MGA: variants seen among roughly 807,000 people sequenced by gnomAD.
The protein encoded by MGA is MAX dimerization protein MGA.
A neutral mutation model predicts 261.1 loss-of-function variants in MGA; 40 were observed. That is an observed-to-expected ratio of 0.15 (90% CI 0.12 to 0.20). The LOEUF (loss-of-function observed/expected upper bound fraction) is 0.20. MGA is among the 10% of genes least tolerant of loss of function. The probability of loss-of-function intolerance (pLI) is 1.00; values close to 1 mark genes in which losing one functional copy is unlikely to be tolerated. For synonymous variants in MGA, 1,302 were observed against 1,290.6 expected (o/e 1.01, Z -0.19); for missense variants, 3,397 against 3,630.5 (o/e 0.94, Z 1.65).
Position 41,762,460 on chromosome 15 carries a change from GGTTTTTTT to G in MGA, c.7744+99_7744+106del, listed in dbSNP as rs1223240454. 226 of 190,548 alleles carry G rather than the reference GGTTTTTTT, an allele frequency of 1.2e-3. 3 individuals are homozygous for G. The highest frequency in any genetic ancestry group is 8.9e-3 in the African/African-American group (212 of 23,916). The allele number at this position is 190,548 out of a possible 1,614,324, so 11.8% of individuals were successfully genotyped here. A position where few individuals can be genotyped will look rare whatever the true frequency, so the allele number is the denominator to read the frequency against. On this transcript the variant is annotated intron_variant, in intron 22 of 23. Transcript: ENST00000219905. ...CTTGTCCACATTTTTAGTTTTGTGT[GGTTTTTTT>G]TTTTTTTTTTTTTTTTTTTTTTTGG...
intron 1 of MGA, among the ~76,000 whole-genome samples, chr15:41,629,832 G>A (rs1461262621): frequency 1.3e-5 from 2 of 152,142 alleles, no homozygotes; most frequent in African/African-American, 2.4e-5. Context: ...ATCATAGAGT[G>A]GAATAGATTG....
At chr15:41,661,013 C>T (rs56383987) in intron 1 of MGA, among the ~76,000 whole-genome samples, 4,924 of 152,332 alleles carry the variant, frequency 0.032, 124 homozygotes, top group Non-Finnish European at 0.051. Context: ...TTTCTGAGAA[C>T]TTGGCGCAGC....
chr15:41,681,513 T>A (rs2058679759), intron 2 of MGA, among the ~76,000 whole-genome samples: 1 of 151,856 alleles, frequency 6.6e-6, no homozygotes, highest in East Asian at 1.9e-4. Flanking sequence ...GTGTAGTGGG[T>A]GATCACAGTT....
At chr15:41,700,490 G>T (rs1321630213) in intron 5 of MGA, among the ~76,000 whole-genome samples, 1 of 152,136 alleles carries the variant, frequency 6.6e-6, no homozygotes, top group East Asian at 1.9e-4. Flanking sequence ...GTGAAAACAT[G>T]CAGTGTTTGG....
upstream of MGA, among the ~76,000 whole-genome samples, chr15:41,659,825 T>C (rs1460517753): frequency 6.6e-6 from 1 of 152,260 alleles, no homozygotes; most frequent in Non-Finnish European, 1.5e-5. Context: ...AACTGCGCAC[T>C]GAGTCTTTCG....
At chr15:41,674,808 G>A (rs1286710014) in intron 2 of MGA, among the ~76,000 whole-genome samples, 1 of 152,224 alleles carries the variant, frequency 6.6e-6, no homozygotes, top group African/African-American at 2.4e-5. Flanking sequence ...GTGAGCCACG[G>A]CGCCCGGCCA....
chr15:41,682,172 C>T (rs1339473867), intron 2 of MGA, among the ~76,000 whole-genome samples: 1 of 152,166 alleles, frequency 6.6e-6, no homozygotes, highest in Non-Finnish European at 1.5e-5. Context: ...CTGCCTCAGC[C>T]ACCCAAAGTG....
intron 2 of MGA, among the ~76,000 whole-genome samples, chr15:41,670,715 C>G (rs143661357): frequency 6.6e-6 from 1 of 152,036 alleles, no homozygotes; most frequent in Non-Finnish European, 1.5e-5. Flanking sequence ...ACTGTGTTAG[C>G]CAGGATGGTC....
chr15:41,678,327 G>C (rs1192597995), intron 2 of MGA, among the ~76,000 whole-genome samples: 1 of 151,668 alleles, frequency 6.6e-6, no homozygotes, highest in East Asian at 2.0e-4. Context: ...CTGACCTCAA[G>C]TGATCTGCCC....
intron 9 of MGA, among the ~76,000 whole-genome samples, chr15:41,722,375 T>C (rs954837335): frequency 3.3e-5 from 5 of 152,112 alleles, no homozygotes; most frequent in South Asian, 2.1e-4. Flanking sequence ...GTGATCCGCC[T>C]GCCTCGGCCT....
At chr15:41,741,070 C>T (rs750590999) in intron 14 of MGA, among the ~76,000 whole-genome samples, 16 of 152,150 alleles carry the variant, frequency 1.1e-4, no homozygotes, top group South Asian at 8.3e-4. Context: ...CTATTTTGGC[C>T]GGGCGCGGTG....
chr15:41,697,171 C>T, intron 3 of MGA, 148 bp downstream of exon 3: 1 of 638,006 alleles, frequency 1.6e-6, no homozygotes, highest in Non-Finnish European at 2.5e-6. Flanking sequence ...GAAGTGTCTC[C>T]AAAATGTTTG....
At chr15:41,630,263 T>C (rs2056559415) in intron 1 of MGA, among the ~76,000 whole-genome samples, 1 of 152,268 alleles carries the variant, frequency 6.6e-6, no homozygotes, top group African/African-American at 2.4e-5. Flanking sequence ...TATGTAATTT[T>C]CCCCAATTTC....
Position 41,750,545 on chromosome 15 carries a change from A to T in MGA, c.6938A>T (p.Asp2313Val). ...GATGAAGATGATAATGAGAAAACTG[A>T]TGATTCTATTGATGAAATTGTGGAT... Residue 2313 changes from aspartate to valine, a missense_variant, in exon 17 of 24, where the codon GAT (aspartate) becomes GTT (valine). Asp to Val is a radical substitution (Grantham distance 152). Transcript: ENST00000219905. 5 of 1,612,842 alleles carry T rather than the reference A, an allele frequency of 3.1e-6. No homozygotes were observed. Among genetic ancestry groups the T allele is most frequent in the Non-Finnish European group, 3.4e-6 (4 of 1,179,262 alleles).
chr15:41,709,890 C>T (rs956832449), intron 7 of MGA, among the ~76,000 whole-genome samples: 5 of 149,412 alleles, frequency 3.3e-5, no homozygotes, highest in East Asian at 3.9e-4. Flanking sequence ...GGCGTGATCT[C>T]GGCTCACCGC....
At chr15:41,736,942 C>A (rs2061813862) in intron 13 of MGA, among the ~76,000 whole-genome samples, 1 of 152,020 alleles carries the variant, frequency 6.6e-6, no homozygotes, top group African/African-American at 2.4e-5. Context: ...TCTAATCTTC[C>A]CAGAAAGTTG....
intron 1 of MGA, among the ~76,000 whole-genome samples, chr15:41,640,018 A>G (rs575550331): frequency 6.6e-6 from 1 of 152,186 alleles, no homozygotes; most frequent in East Asian, 1.9e-4. Context: ...AAGGAGAATG[A>G]CAGTATCCTT....
chr15:41,750,355 C>CCTT lies in MGA; in HGVS notation c.6750_6752dup (p.Ser2251dup), dbSNP rs766618632. 62 of 1,613,832 alleles carry CCTT rather than the reference C, an allele frequency of 3.8e-5. No individual in the cohort carries two copies. The highest frequency in any genetic ancestry group is 5.2e-5 in the Non-Finnish European group (61 of 1,179,904). ...TGATTCTTGGAGTAGGATTTCTAAT[C>CCTT]CTTCAGCCTTCTCCATTGTTCCTAG... On this transcript the variant is annotated inframe_insertion, in exon 17 of 24. Transcript: ENST00000219905.
chr15:41,762,586 G>A (rs950721379), intron 22 of MGA, among the ~76,000 whole-genome samples: 2 of 141,468 alleles, frequency 1.4e-5, no homozygotes, highest in Non-Finnish European at 3.0e-5. Context: ...ATCTGCTTCA[G>A]CCTCCTGAGT....
Sources: allele counts gnomAD v4.1 joint callset (sites outside exome capture counted in the v4.1 genomes callset), GRCh38; gene constraint gnomAD v4.1.1; transcripts MANE v1.5; gene names NCBI Gene and HGNC (gene_info 2026-07-23, HGNC 2026-07-21).